The following CNTFR variants were observed in gnomAD, a reference collection of about 807,000 sequenced individuals.
CNTFR encodes the protein ciliary neurotrophic factor receptor subunit alpha.
CNTFR carries 12 observed loss-of-function variants against 40.4 expected under a neutral mutation model. That is an observed-to-expected ratio of 0.30 (90% confidence interval 0.19 to 0.48). CNTFR has a LOEUF of 0.48. CNTFR is among the 20% of genes least tolerant of loss of function. CNTFR has a pLI of 0.99. For missense variants in CNTFR, 414 were observed against 506.8 expected, an observed-to-expected ratio of 0.82 and a Z score of 1.76; for synonymous variants, 202 against 209.6, an observed-to-expected ratio of 0.96 and a Z score of 0.31.
intron 2 of CNTFR, among the ~76,000 whole-genome samples, chr9:34,576,054 C>G (rs1327691066): frequency 1.3e-5 from 2 of 152,198 alleles, no homozygotes; most frequent in Non-Finnish European, 2.9e-5. Context: ...CCAGCGCTCA[C>G]TTCACCCCGA....
intron 1 of CNTFR, among the ~76,000 whole-genome samples, chr9:34,585,779 A>G (rs1429677999): frequency 6.6e-6 from 1 of 151,980 alleles, no homozygotes; most frequent in Non-Finnish European, 1.5e-5. Flanking sequence ...CCCCCACCCA[A>G]TGGTGGGTCT....
chr9:34,558,111 C>T (rs563419131), intron 4 of CNTFR, 127 bp from the exon 5 acceptor site: 16 of 614,094 alleles, frequency 2.6e-5, no homozygotes, highest in South Asian at 1.4e-4. Flanking sequence ...AAAGTTGTGG[C>T]GGGGAGGCTG....
At position 34,557,249 on chromosome 9, in the gene CNTFR, C is replaced by G. The variant is rs543154944; in HGVS notation, c.604+277G>C. 3.6e-4 allele frequency among the ~76,000 whole-genome samples: 55 copies of G among 152,300 alleles called. No homozygotes were observed. Among genetic ancestry groups the G allele is most frequent in the South Asian group, 3.5e-3 (17 of 4,830 alleles). On this transcript the variant is annotated intron_variant, in intron 6 of 9. Coordinates refer to ENST00000378980, the MANE Select transcript of CNTFR (RefSeq NM_147164.3). This position sits in a 1 kb window ranked among gnomAD's most constrained non-coding sequence, Gnocchi z 4.2. ...CAAGGGTCTGGCCCAGCCTGCCCCC[C>G]CTTCCCCCTGCTGCATGTTCTGGGA...
intron 4 of CNTFR, 36 bp from the exon 5 acceptor site, chr9:34,558,020 G>A (rs201730549): frequency 3.1e-5 from 45 of 1,444,676 alleles, no homozygotes; most frequent in Non-Finnish European, 4.1e-5. Context: ...GGCATTCTTG[G>A]AGCTCCCAGT....
chr9:34,560,952 C>A (rs966795828), intron 4 of CNTFR, among the ~76,000 whole-genome samples: 3 of 152,240 alleles, frequency 2.0e-5, no homozygotes, highest in Non-Finnish European at 4.4e-5. Flanking sequence ...GAGCCCCCGG[C>A]ACGCATGAGG....
At chr9:34,559,044 T>A (rs1202341797) in intron 4 of CNTFR, among the ~76,000 whole-genome samples, 1 of 152,154 alleles carries the variant, frequency 6.6e-6, no homozygotes, top group Non-Finnish European at 1.5e-5. Flanking sequence ...GCAAGGAATG[T>A]CCATCTGCGG....
chr9:34,552,553 G>T lies in CNTFR; in HGVS notation c.949+121C>A. 1 of 1,144,440 alleles carries T rather than the reference G, an allele frequency of 8.7e-7. No individual in the cohort carries two copies. The highest frequency in any genetic ancestry group is 1.2e-6 in the Non-Finnish European group (1 of 824,690). 70.9% of individuals were successfully genotyped at this position (1,144,440 alleles called of 1,614,324 possible). A position where few individuals can be genotyped will look rare whatever the true frequency, so the allele number is the denominator to read the frequency against. ...GGAATGGCAGGAGTTGGACAGACAGGCAGAAGTGTGGCTACCCCCGGGAGC... is the reference window on the plus strand; with the variant it reads ...GGAATGGCAGGAGTTGGACAGACAGTCAGAAGTGTGGCTACCCCCGGGAGC... On this transcript the variant is annotated intron_variant, in intron 8 of 9. Coordinates refer to ENST00000378980, the MANE Select transcript of CNTFR (RefSeq NM_147164.3). This position sits in a 1 kb window ranked among gnomAD's most constrained non-coding sequence, Gnocchi z 5.1.
Position 34,552,582 on chromosome 9 carries a change from G to C in CNTFR, c.949+92C>G, listed in dbSNP as rs1587114373. 1 of 1,352,450 alleles carries C rather than the reference G, an allele frequency of 7.4e-7. No homozygotes were observed. The highest frequency in any genetic ancestry group is 1.4e-5 in the South Asian group (1 of 71,962). The allele number at this position is 1,352,450 out of a possible 1,614,324, so 83.8% of individuals were successfully genotyped here. On this transcript the variant is annotated intron_variant, in intron 8 of 9. Coordinates refer to ENST00000378980, the MANE Select transcript of CNTFR (RefSeq NM_147164.3). The surrounding 1 kb of genome is among the most constrained non-coding windows in gnomAD (Gnocchi z 5.1). ...AAGTGTGGCTACCCCCGGGAGCAGA[G>C]GCTGGAGGCAGCAGGGTAGAACCAG... is the stretch of plus-strand genomic sequence containing the variant.
intron 6 of CNTFR, among the ~76,000 whole-genome samples, chr9:34,556,634 C>A (rs984221855): frequency 2.0e-5 from 3 of 152,194 alleles, no homozygotes; most frequent in Non-Finnish European, 4.4e-5. Flanking sequence ...ATGACTGTCA[C>A]TACAGTCACT....
Position 34,575,080 on chromosome 9 carries a change from A to G in CNTFR, c.-1+6015T>C, listed in dbSNP as rs549644147. Among the ~76,000 whole-genome samples the G allele has an allele frequency of 4.6e-5, 7 of 152,320 alleles. No individual in the cohort carries two copies. In the South Asian group the frequency reaches 8.3e-4, roughly 18 times the overall value. ...CAGAAGGCCTGGGCTTTCACCCTCA[A>G]AAGTCATCTGGTCCAGCCCCCTGCC... On this transcript the variant is annotated intron_variant, in intron 2 of 9. Transcript: ENST00000378980.
intron 2 of CNTFR, among the ~76,000 whole-genome samples, chr9:34,574,258 T>C (rs1018060282): frequency 1.3e-5 from 2 of 152,096 alleles, no homozygotes; most frequent in African/African-American, 2.4e-5. Context: ...CGGCTAGCCA[T>C]GGGCGGGCAG....
intron 1 of CNTFR, among the ~76,000 whole-genome samples, chr9:34,586,144 C>T (rs868731971): frequency 1.3e-5 from 2 of 152,182 alleles, no homozygotes; most frequent in African/African-American, 2.4e-5. Flanking sequence ...CAGCAGAGCA[C>T]GCAAAGTCCA....
Position 34,576,431 on chromosome 9 carries a change from G to A in CNTFR, c.-1+4664C>T, listed in dbSNP as rs181868859. Among the ~76,000 whole-genome samples, 733 of 152,208 alleles carry A rather than the reference G, an allele frequency of 4.8e-3. 6 individuals carry two copies. The highest frequency in any genetic ancestry group is 6.1e-3 in the Admixed American group (93 of 15,294). ...AGTCGCCCTTGGCCTCTCACGCCCC[G>A]ACACCGGCAATGGGAAACACCCACA... On this transcript the variant is annotated intron_variant, in intron 2 of 9. Coordinates refer to ENST00000378980, the MANE Select transcript of CNTFR (RefSeq NM_147164.3).
upstream of CNTFR, among the ~76,000 whole-genome samples, chr9:34,590,690 G>A (rs1827740215): frequency 6.6e-6 from 1 of 152,202 alleles, no homozygotes; most frequent in South Asian, 2.1e-4. Flanking sequence ...CCGGGCACAG[G>A]CGCACCCCTC....
chr9:34,561,965 G>A (rs1332182247), intron 4 of CNTFR, among the ~76,000 whole-genome samples: 1 of 152,220 alleles, frequency 6.6e-6, no homozygotes, highest in Non-Finnish European at 1.5e-5. Flanking sequence ...TATATAAAAG[G>A]TCTGGGCCCT....
upstream of CNTFR, chr9:34,590,184 A>ACC (rs1328707045): frequency 6.6e-6 from 1 of 152,348 alleles, no homozygotes; most frequent in Non-Finnish European, 1.4e-5. Context: ...ACACACACAC[A>ACC]CACCCACTCG....
In CNTFR at chr9:34,552,909, A is replaced by C; in HGVS notation, c.769-55T>G. 1 of 1,564,572 alleles carries C rather than the reference A, an allele frequency of 6.4e-7. No homozygotes were observed. Among genetic ancestry groups the C allele is most frequent in the Non-Finnish European group, 8.7e-7 (1 of 1,153,788 alleles). ...GACACACCTGGGGGCCAGGAGGGTG[A>C]GGTCCCTCCAGAGGAAGTGAGCATG... On this transcript the variant is annotated intron_variant, in intron 7 of 9. Coordinates refer to ENST00000378980, the MANE Select transcript of CNTFR (RefSeq NM_147164.3). This position sits in a 1 kb window ranked among gnomAD's most constrained non-coding sequence, Gnocchi z 5.1.
At position 34,557,110 on chromosome 9, in the gene CNTFR, A is replaced by T. The variant is rs944729387; in HGVS notation, c.604+416T>A. On this transcript the variant is annotated intron_variant, in intron 6 of 9. Coordinates refer to ENST00000378980, the MANE Select transcript of CNTFR (RefSeq NM_147164.3). The surrounding 1 kb of genome is among the most constrained non-coding windows in gnomAD (Gnocchi z 4.2). ...GGGTCTGGCTGGGATGGGGGGGGTC[A>T]GGGGGAGGGCAGTATCTGTCCCAGT... 3.4e-4 allele frequency among the ~76,000 whole-genome samples: 25 copies of T among 73,934 alleles called. No homozygotes were observed. Among genetic ancestry groups the T allele is most frequent in the African/African-American group, 1.4e-3 (25 of 18,256 alleles). The allele number at this position is 73,934 out of a possible 152,430, so 48.5% of individuals were successfully genotyped here. A position where few individuals can be genotyped will look rare whatever the true frequency, so the allele number is the denominator to read the frequency against.
chr9:34,584,698 G>A (rs1827467913), intron 1 of CNTFR, among the ~76,000 whole-genome samples: 1 of 152,204 alleles, frequency 6.6e-6, no homozygotes, highest in Non-Finnish European at 1.5e-5. Context: ...CTCACACCTA[G>A]AGGGTAAGGG....
Sources: gnomAD v4.1 joint callset for allele counts (sites outside exome capture counted in the v4.1 genomes callset) on GRCh38, gnomAD v4.1.1 for gene constraint, Gnocchi (gnomAD v3.1) non-coding constraint, MANE v1.5 for transcripts, NCBI Gene and HGNC (gene_info 2026-07-23, HGNC 2026-07-21) for gene names.